The following ACVR1C variants were observed in gnomAD, a reference collection of about 807,000 sequenced individuals.
The protein encoded by ACVR1C is activin receptor type-1C.
A neutral mutation model predicts 57.9 loss-of-function variants in ACVR1C; 23 were observed. The observed-to-expected ratio is 0.40, with a 90% CI of 0.29 to 0.56. The LOEUF is 0.56. Among genes scored for constraint, ACVR1C ranks in the 20% least tolerant of loss-of-function variants. ACVR1C has a pLI of 0.50. For synonymous variants in ACVR1C, 214 were observed against 215.3 expected (o/e 0.99, Z 0.05); for missense variants, 480 against 607.9 (o/e 0.79, Z 2.21).
chr2:157,627,807 T>C (rs1452213316), intron 1 of ACVR1C, among the ~76,000 whole-genome samples: 1 of 152,264 alleles, frequency 6.6e-6, no homozygotes, highest in Non-Finnish European at 1.5e-5. Context: ...AAAGGGCTTT[T>C]AGTCACAGCA....
intron 1 of ACVR1C, among the ~76,000 whole-genome samples, chr2:157,591,191 G>A (rs527289874): frequency 2.6e-5 from 4 of 151,806 alleles, no homozygotes; most frequent in African/African-American, 7.3e-5. Flanking sequence ...ATCTCTTTCC[G>A]CTCTGTCAAG....
intron 8 of ACVR1C, among the ~76,000 whole-genome samples, chr2:157,538,262 A>G (rs540213282): frequency 6.6e-6 from 1 of 152,346 alleles, no homozygotes; most frequent in East Asian, 1.9e-4. Context: ...GGATCAGATC[A>G]GAGTGATTAC....
intron 2 of ACVR1C, among the ~76,000 whole-genome samples, chr2:157,557,158 G>T: frequency 7.5e-6 from 1 of 133,592 alleles, no homozygotes. Context: ...AGAAAGAATG[G>T]TGCTACAAAA....
At position 157,587,334 on chromosome 2, in the gene ACVR1C, T is replaced by A; in HGVS notation, c.157A>T (p.Thr53Ser). The A allele has an allele frequency of 1.2e-6, 2 of 1,613,722 alleles. No individual in the cohort carries two copies. Among genetic ancestry groups the A allele is most frequent in the Non-Finnish European group, 1.7e-6 (2 of 1,179,672 alleles). ...TTGATCACCTGCTCTTTTCCATTGGTTAGCATGACTGATGCCCAACATGCT... is the reference window on the plus strand; with the variant it reads ...TTGATCACCTGCTCTTTTCCATTGGATAGCATGACTGATGCCCAACATGCT... The part of the protein sequence containing the change: ...EGACWASVML[T>S]NGKEQVIKSC... Residue 53 changes from threonine to serine, a missense_variant, in exon 2 of 9, where the codon ACC becomes TCC. Coordinates refer to ENST00000243349, the MANE Select transcript of ACVR1C (RefSeq NM_145259.3).
At chr2:157,602,484 T>C (rs1415225990) in intron 1 of ACVR1C, among the ~76,000 whole-genome samples, 1 of 152,210 alleles carries the variant, frequency 6.6e-6, no homozygotes, top group African/African-American at 2.4e-5. Flanking sequence ...TACAAACTTT[T>C]AGATGTACAA....
intron 7 of ACVR1C, among the ~76,000 whole-genome samples, chr2:157,539,665 T>G (rs1043264400): frequency 2.6e-5 from 4 of 152,228 alleles, no homozygotes; most frequent in African/African-American, 9.6e-5. Flanking sequence ...TAATCAGTCC[T>G]CAAAACTACT....
chr2:157,577,942 A>G (rs1375856074), intron 2 of ACVR1C, among the ~76,000 whole-genome samples: 1 of 152,066 alleles, frequency 6.6e-6, no homozygotes, highest in African/African-American at 2.4e-5. Flanking sequence ...GTGCAGTGGC[A>G]GCCAGGTTGG....
At chr2:157,548,874 C>T (rs1310691493) in intron 4 of ACVR1C, among the ~76,000 whole-genome samples, 1 of 152,086 alleles carries the variant, frequency 6.6e-6, no homozygotes, top group Non-Finnish European at 1.5e-5. Flanking sequence ...GTCTCACTTG[C>T]CAGTATTCTA....
intron 2 of ACVR1C, among the ~76,000 whole-genome samples, chr2:157,561,683 A>G (rs1453815314): frequency 6.6e-6 from 1 of 152,258 alleles, no homozygotes; most frequent in African/African-American, 2.4e-5. Context: ...TGACATGTTA[A>G]GCAATGAGAA....
chr2:157,587,129 T>C lies in ACVR1C; in HGVS notation c.304+58A>G, dbSNP rs966626735. The C allele has an allele frequency of 4.3e-6, 6 of 1,409,796 alleles. No individual in the cohort carries two copies. In the African/African-American group the frequency reaches 7.1e-5, roughly 17 times the overall value. The allele number at this position is 1,409,796 out of a possible 1,614,324, so 87.3% of individuals were successfully genotyped here. ...CATAAGACAGTTTGATTCCTACCAT[T>C]CTTATAGTTTCCCAAGAGTAAAATT... On this transcript the variant is annotated intron_variant, in intron 2 of 8. Transcript: ENST00000243349.
chr2:157,587,462 T>C (rs918832370), intron 1 of ACVR1C, 45 bp from the exon 2 acceptor site: 2 of 1,378,840 alleles, frequency 1.5e-6, no homozygotes, highest in African/African-American at 2.9e-5. Flanking sequence ...AAAGACATCA[T>C]GCTACTTTAT....
rs1688674532 is a variant in ACVR1C at position 157,576,990 on chromosome 2, G to A, written c.304+10197C>T. Among the ~76,000 whole-genome samples, 3 of 97,708 alleles carry A rather than the reference G, an allele frequency of 3.1e-5. 1 individual carries two copies. The highest frequency in any genetic ancestry group is 6.4e-5 in the Non-Finnish European group (3 of 46,652). 64.1% of individuals were successfully genotyped at this position (97,708 alleles called of 152,430 possible). ...CTGCCTCAGCCTCCCCAGTAGCTGG[G>A]ACTACAGGCGCCCGCCACCGCGCCC... On this transcript the variant is annotated intron_variant, in intron 2 of 8. Coordinates refer to ENST00000243349, the MANE Select transcript of ACVR1C (RefSeq NM_145259.3).
chr2:157,603,201 C>T (rs1227736834), intron 1 of ACVR1C, among the ~76,000 whole-genome samples: 1 of 152,154 alleles, frequency 6.6e-6, no homozygotes, highest in Non-Finnish European at 1.5e-5. Context: ...ATGACTCCTA[C>T]GCTACATGGA....
At chr2:157,598,604 A>G (rs2105137005) in intron 1 of ACVR1C, among the ~76,000 whole-genome samples, 1 of 151,552 alleles carries the variant, frequency 6.6e-6, no homozygotes, top group South Asian at 2.1e-4. Context: ...TAGTGGCACA[A>G]CCTCGGCTCA....
intron 2 of ACVR1C, among the ~76,000 whole-genome samples, chr2:157,577,295 C>A (rs971290842): frequency 1.3e-5 from 2 of 151,838 alleles, no homozygotes; most frequent in African/African-American, 4.8e-5. Context: ...TGTTTCAACC[C>A]TGTATATTCT....
rs112434747 is a variant in ACVR1C at position 157,541,724 on chromosome 2, C to A, written c.1101-510G>T. 6.6e-5 allele frequency among the ~76,000 whole-genome samples: 10 copies of A among 152,254 alleles called. 1 individual carries two copies. The highest frequency in any genetic ancestry group is 2.2e-4 in the African/African-American group (9 of 41,548). On this transcript the variant is annotated intron_variant, in intron 6 of 8. Transcript: ENST00000243349. ...GGCTGCCCAGTGTGAATAAACTGCC[C>A]GGAAGTGTTCCTGGGGCTTATGAAA...
rs60269781 is a variant in ACVR1C at position 157,555,101 on chromosome 2, C to CTTTTTTTTTTTTTTTTT, written c.544+975_544+991dup. 8.3e-5 allele frequency among the ~76,000 whole-genome samples: 7 copies of CTTTTTTTTTTTTTTTTT among 83,946 alleles called. 1 individual carries two copies. The highest frequency in any genetic ancestry group is 3.6e-4 in the African/African-American group (6 of 16,854). 55.1% of individuals were successfully genotyped at this position (83,946 alleles called of 152,430 possible). Reference sequence around the variant, plus strand: ...ATAATACAGCCTGGTACTTTGAACGCTTTTTTTTTTTTTTTTTTTTTTTTT... The same window carrying CTTTTTTTTTTTTTTTTT: ...ATAATACAGCCTGGTACTTTGAACGCTTTTTTTTTTTTTTTTTTTTTTTTTTTTTTTTTTTTTTTTTT... On this transcript the variant is annotated intron_variant, in intron 3 of 8. Transcript: ENST00000243349.
chr2:157,628,567 C>A lies in ACVR1C; in HGVS notation c.73+5G>T. 3 of 1,607,366 alleles carry A rather than the reference C, an allele frequency of 1.9e-6. No homozygotes were observed. The highest frequency in any genetic ancestry group is 2.7e-5 in the African/African-American group (2 of 74,912). On this transcript the variant is annotated splice_donor_5th_base_variant and intron_variant, in intron 1 of 8. Transcript: ENST00000243349. ...CGGGCGTCGGGAGAGAAACCAGCAC[C>A]GTACCTGGCGAGAGCTCGGCGGCCG...
chr2:157,564,940 C>T (rs1688325567), intron 2 of ACVR1C, among the ~76,000 whole-genome samples: 1 of 152,058 alleles, frequency 6.6e-6, no homozygotes, highest in African/African-American at 2.4e-5. Context: ...GGAACACACA[C>T]ACACCGGGAC....
Sources: gnomAD v4.1 joint callset for allele counts (sites outside exome capture counted in the v4.1 genomes callset) on GRCh38, gnomAD v4.1.1 for gene constraint, MANE v1.5 for transcripts, NCBI Gene and HGNC (gene_info 2026-07-23, HGNC 2026-07-21) for gene names.